PITPNM2: variants seen among roughly 807,000 people sequenced by gnomAD.
The protein encoded by PITPNM2 is phosphatidylinositol transfer protein membrane associated 2, also known as membrane-associated phosphatidylinositol transfer protein 2.
PITPNM2 carries 35 observed loss-of-function variants against 132.2 expected under a neutral mutation model. That is an observed-to-expected ratio of 0.26 (90% CI 0.20 to 0.35). The LOEUF is 0.35. Ranked by LOEUF, PITPNM2 falls within the 10% of genes least tolerant of loss-of-function variation. The pLI, the probability that PITPNM2 is intolerant of heterozygous loss-of-function variation, is 1.00. For missense variants in PITPNM2, 1,332 were observed against 1,912.0 expected, an observed-to-expected ratio of 0.70 and a Z score of 5.66; for synonymous variants, 738 against 799.2, an observed-to-expected ratio of 0.92 and a Z score of 1.29.
At chr12:123,092,118 G>A (rs1282197656) in intron 2 of PITPNM2, 2 of 152,216 alleles carry the variant, frequency 1.3e-5, no homozygotes, top group Non-Finnish European at 2.9e-5. Flanking sequence ...ACACACTGGA[G>A]TGGGTACGAC....
Position 122,992,665 on chromosome 12 carries a change from GA to G in PITPNM2, c.2237del (p.Phe746SerfsTer213). ...RKTVIPALDV[F>X]QLRPACQQVY... is the part of the protein sequence containing the mutation. ...CTTGCTGGCAGGCCGGCCGCAGCTG[GA>G]AAACTGGGGGTGGGGGTGTTGGCTG... On this transcript the variant is annotated frameshift_variant, in exon 16 of 26. Coordinates refer to ENST00000320201, the MANE Select transcript of PITPNM2 (RefSeq NM_020845.3). LOFTEE classifies it high-confidence loss of function. This position sits in a 1 kb window ranked among gnomAD's most constrained non-coding sequence, Gnocchi z 6.5. The G allele has an allele frequency of 6.4e-7, 1 of 1,555,580 alleles. No individual in the cohort carries two copies. The highest frequency in any genetic ancestry group is 8.7e-7 in the Non-Finnish European group (1 of 1,147,762).
At chr12:123,149,088 A>G (rs1363292623) in intron 1 of PITPNM2, among the ~76,000 whole-genome samples, 15 of 152,232 alleles carry the variant, frequency 9.9e-5, no homozygotes. Context: ...TTCAGATTCC[A>G]TAAGGTGCAA....
At chr12:123,091,859 C>G (rs1210639814) in intron 2 of PITPNM2, 2 of 152,222 alleles carry the variant, frequency 1.3e-5, no homozygotes, top group African/African-American at 4.8e-5. Flanking sequence ...CTGTCCTGAT[C>G]CATTTCCAAG....
rs1416610364 is a variant in PITPNM2 at position 123,058,442 on chromosome 12, C to T, written c.-95-23757G>A. Among the ~76,000 whole-genome samples the T allele has an allele frequency of 2.0e-5, 3 of 152,174 alleles. No individual in the cohort carries two copies. The highest frequency in any genetic ancestry group is 7.2e-5 in the African/African-American group (3 of 41,430). ...TCCTCTGAAATCCTCCTTCTAGAAA[C>T]CATTAGAGGACATCTTCCCAATGCA... On this transcript the variant is annotated intron_variant, in intron 2 of 25. Transcript: ENST00000320201. This position sits in a 1 kb window ranked among gnomAD's most constrained non-coding sequence, Gnocchi z 4.0.
At chr12:123,141,067 G>T (rs1056355209) in intron 1 of PITPNM2, among the ~76,000 whole-genome samples, 1 of 152,044 alleles carries the variant, frequency 6.6e-6, no homozygotes, top group Non-Finnish European at 1.5e-5. Context: ...AACAGCACAG[G>T]CTGTGTAACA....
At chr12:123,124,025 G>A (rs1009287134) in intron 1 of PITPNM2, among the ~76,000 whole-genome samples, 33 of 152,044 alleles carry the variant, frequency 2.2e-4, no homozygotes, top group African/African-American at 6.0e-4. Flanking sequence ...GGAGGCCGAC[G>A]CGGGCAGATC....
At chr12:123,015,762 C>T (rs912215909) in intron 3 of PITPNM2, among the ~76,000 whole-genome samples, 1 of 152,074 alleles carries the variant, frequency 6.6e-6, no homozygotes, top group Non-Finnish European at 1.5e-5. Flanking sequence ...CTGGACTTAA[C>T]TGAAATTAAA....
At chr12:123,135,544 C>A (rs1286420522) in intron 1 of PITPNM2, among the ~76,000 whole-genome samples, 1 of 152,154 alleles carries the variant, frequency 6.6e-6, no homozygotes, top group Non-Finnish European at 1.5e-5. Flanking sequence ...GACCTGGCAA[C>A]CACCATTCCA....
chr12:122,997,419 TGAC>T lies in PITPNM2; in HGVS notation c.1375_1377del (p.Val459del). 6.2e-7 allele frequency: 1 copy of T among 1,613,586 alleles called. No individual in the cohort carries two copies. The highest frequency in any genetic ancestry group is 8.5e-7 in the Non-Finnish European group (1 of 1,180,014). ...AGGGCGCTGGGGTAGTGCACGCGCA[TGAC>T]GGTGTCGAACACGTTGGCGATGGTG... On this transcript the variant is annotated inframe_deletion, in exon 11 of 26. Coordinates refer to ENST00000320201, the MANE Select transcript of PITPNM2 (RefSeq NM_020845.3).
chr12:123,103,188 T>A (rs189612520), intron 2 of PITPNM2, among the ~76,000 whole-genome samples: 1 of 152,360 alleles, frequency 6.6e-6, no homozygotes, highest in Admixed American at 6.5e-5. Context: ...TTTTAGTGAC[T>A]GTCCTTACAG....
chr12:122,986,428 C>T lies in PITPNM2; in HGVS notation c.3726+8G>A, dbSNP rs1566227096. ...GCCTGCACCCGCCCCCACAATGCGC[C>T]CACTCACCTGGCACTGCTGCTGCAG... On this transcript the variant is annotated splice_region_variant and intron_variant, in intron 25 of 25. Coordinates refer to ENST00000320201, the MANE Select transcript of PITPNM2 (RefSeq NM_020845.3). The T allele has an allele frequency of 1.3e-6, 2 of 1,568,102 alleles. No individual in the cohort carries two copies. Among genetic ancestry groups the T allele is most frequent in the South Asian group, 2.3e-5 (2 of 85,666 alleles).
At chr12:123,100,102 G>A (rs1329800908) in intron 2 of PITPNM2, among the ~76,000 whole-genome samples, 1 of 152,228 alleles carries the variant, frequency 6.6e-6, no homozygotes, top group African/African-American at 2.4e-5. Flanking sequence ...GAGGTGCAGT[G>A]AGTTGAGGGG....
At position 123,079,350 on chromosome 12, in the gene PITPNM2, C is replaced by CTTTTTTTTT. The variant is rs139205213; in HGVS notation, c.-96+31026_-96+31034dup. Among the ~76,000 whole-genome samples, 31 of 53,830 alleles carry CTTTTTTTTT rather than the reference C, an allele frequency of 5.8e-4. 1 individual carries two copies. The highest frequency in any genetic ancestry group is 9.3e-4 in the African/African-American group (15 of 16,182). 35.3% of individuals were successfully genotyped at this position (53,830 alleles called of 152,430 possible). A position where few individuals can be genotyped will look rare whatever the true frequency, so the allele number is the denominator to read the frequency against. On this transcript the variant is annotated intron_variant, in intron 2 of 25. Transcript: ENST00000320201. The stretch of plus-strand genomic sequence containing the variant: ...TTCACTTCTTTTTCTTTTTTCTTTT[C>CTTTTTTTTT]TTTTTTTTTTTTTTTTTTTTTTTTT...
Position 123,022,288 on chromosome 12 carries a change from T to C in PITPNM2, c.79-8246A>G, listed in dbSNP as rs553097914. Among the ~76,000 whole-genome samples the C allele has an allele frequency of 6.6e-6, 1 of 152,278 alleles. No individual in the cohort carries two copies. Among genetic ancestry groups the C allele is most frequent in the African/African-American group, 2.4e-5 (1 of 41,542 alleles). On this transcript the variant is annotated intron_variant, in intron 3 of 25. Transcript: ENST00000320201. This position sits in a 1 kb window ranked among gnomAD's most constrained non-coding sequence, Gnocchi z 4.9. ...TGCAGCTGGGTCTCAGCTGTGCCTCTGATCAGGATGCGGCTGCGGAGGAAG... is the reference window on the plus strand; with the variant it reads ...TGCAGCTGGGTCTCAGCTGTGCCTCCGATCAGGATGCGGCTGCGGAGGAAG...
Position 122,992,488 on chromosome 12 carries a change from G to A in PITPNM2, c.2404+11C>T. On this transcript the variant is annotated intron_variant, in intron 16 of 25. Coordinates refer to ENST00000320201, the MANE Select transcript of PITPNM2 (RefSeq NM_020845.3). The surrounding 1 kb of genome is among the most constrained non-coding windows in gnomAD (Gnocchi z 6.5). Reference sequence around the variant, plus strand: ...TTCCCCCAGAGGAGTGGGGCGGAATGTGCCTCTCACCCAGCAGCGTGGAGC... The same window carrying A: ...TTCCCCCAGAGGAGTGGGGCGGAATATGCCTCTCACCCAGCAGCGTGGAGC... 6.2e-7 allele frequency: 1 copy of A among 1,606,606 alleles called. No individual in the cohort carries two copies. Among genetic ancestry groups the A allele is most frequent in the Non-Finnish European group, 8.5e-7 (1 of 1,177,378 alleles).
chr12:123,119,600 C>T (rs1285223859), intron 1 of PITPNM2, among the ~76,000 whole-genome samples: 3 of 151,874 alleles, frequency 2.0e-5, no homozygotes, highest in Non-Finnish European at 4.4e-5. Context: ...CCTCGTGATC[C>T]GCCCGCCTCG....
intron 2 of PITPNM2, among the ~76,000 whole-genome samples, chr12:123,061,180 A>G (rs2041224492): frequency 6.6e-6 from 1 of 152,208 alleles, no homozygotes; most frequent in African/African-American, 2.4e-5. Context: ...AACGGGTCAC[A>G]GTTGACTTCT....
rs2038865305 is a variant in PITPNM2 at position 123,005,060 on chromosome 12, GGGGCAGGGCCCA to G, written c.952+168_952+179del. Among the ~76,000 whole-genome samples, 2 of 152,148 alleles carry G rather than the reference GGGGCAGGGCCCA, an allele frequency of 1.3e-5. No homozygotes were observed. Among genetic ancestry groups the G allele is most frequent in the Admixed American group, 1.3e-4 (2 of 15,304 alleles). ...GAGGGGAAGTGTTGGGGAGCCCACT[GGGGCAGGGCCCA>G]GGCTTCCCTGTGTGCGAGGACTAGC... is the stretch of plus-strand genomic sequence containing the variant. On this transcript the variant is annotated intron_variant, in intron 7 of 25. Coordinates refer to ENST00000320201, the MANE Select transcript of PITPNM2 (RefSeq NM_020845.3). This position sits in a 1 kb window ranked among gnomAD's most constrained non-coding sequence, Gnocchi z 6.2.
intron 2 of PITPNM2, chr12:123,092,258 C>T (rs1468627944): frequency 1.3e-5 from 2 of 152,364 alleles, no homozygotes; most frequent in South Asian, 2.1e-4. Flanking sequence ...AATAAAAGGA[C>T]TCCAGTCTGG....
Sources: allele counts gnomAD v4.1 joint callset (sites outside exome capture counted in the v4.1 genomes callset), GRCh38; gene constraint gnomAD v4.1.1; non-coding constraint Gnocchi (gnomAD v3.1); transcripts MANE v1.5; gene names NCBI Gene and HGNC (gene_info 2026-07-23, HGNC 2026-07-21).